NPHP3: variants seen among roughly 807,000 people sequenced by gnomAD.
NPHP3 encodes the protein nephrocystin 3.
A neutral mutation model predicts 171.9 loss-of-function variants in NPHP3; 123 were observed. The ratio of observed to expected loss-of-function variants is 0.72; its 90% CI spans 0.62 to 0.83. The LOEUF (loss-of-function observed/expected upper bound fraction) is 0.83, where lower values mean the gene tolerates loss of function less well. Ranked by LOEUF, NPHP3 falls within the 40% of genes least tolerant of loss-of-function variation. The pLI, the probability that NPHP3 is intolerant of heterozygous loss-of-function variation, is 0.00. For synonymous variants in NPHP3, 558 were observed against 579.2 expected, an observed-to-expected ratio of 0.96 and a Z score of 0.52; for missense variants, 1,506 against 1,591.9, an observed-to-expected ratio of 0.95 and a Z score of 0.92.
At chr3:132,721,474 G>T (rs560793264) in intron 1 of NPHP3, 303 of 201,600 alleles carry the variant, frequency 1.5e-3, no homozygotes, top group Non-Finnish European at 2.0e-3. Context: ...TTATGGTGGG[G>T]AGGGGGGTGA....
In NPHP3 at chr3:132,716,880, C is replaced by A. The variant is rs1435427786; in HGVS notation, c.700G>T (p.Gly234Cys). The change falls in exon 4 of 27, where the codon GGC becomes TGC. Residue 234 changes from glycine (G) to cysteine (C), a missense_variant. Physicochemically the swap from Gly to Cys is radical, Grantham distance 159. Coordinates refer to ENST00000337331, the MANE Select transcript of NPHP3 (RefSeq NM_153240.5). ...GAAGGTTCACTTCCCAAGGCTCCGC[C>A]AGTCCAATATTCACATTGGGTTCCA... ...AAGTQCEYWT[G>C]GALGSEPSIG... 3 of 1,614,156 alleles carry A rather than the reference C, an allele frequency of 1.9e-6. No individual in the cohort carries two copies. The South Asian group carries it at 3.3e-5, about 18-fold the overall frequency.
chr3:132,719,187 C>A, intron 2 of NPHP3, 43 bp from the exon 3 acceptor site: 1 of 1,486,646 alleles, frequency 6.7e-7, no homozygotes, highest in Non-Finnish European at 9.2e-7. Context: ...TTTTCATAAT[C>A]AAAAAGTTGT....
rs1038735455 is a variant in NPHP3 at position 132,717,945 on chromosome 3, G to A, written c.671-1036C>T. ...GCTAATTTTTGTATTTAGTAGAGAC[G>A]GGGTTTCACCATGTTGGCCAGGATG... On this transcript the variant is annotated intron_variant, in intron 3 of 26. Transcript: ENST00000337331. 5 of 335,430 alleles carry A rather than the reference G, an allele frequency of 1.5e-5. No individual in the cohort carries two copies. In the East Asian group the frequency reaches 4.4e-4, roughly 29 times the overall value. The allele number at this position is 335,430 out of a possible 1,614,324, so 20.8% of individuals were successfully genotyped here. A position where few individuals can be genotyped will look rare whatever the true frequency, so the allele number is the denominator to read the frequency against.
chr3:132,692,483 A>G (rs1373653384), intron 17 of NPHP3, among the ~76,000 whole-genome samples, 171 bp downstream of exon 17: 1 of 152,194 alleles, frequency 6.6e-6, no homozygotes, highest in African/African-American at 2.4e-5. Flanking sequence ...CCTCTTAATA[A>G]ATTTTTAAGT....
chr3:132,701,599 T>TG (rs1201721097), intron 9 of NPHP3, 66 bp from the exon 10 acceptor site: 27 of 980,016 alleles, frequency 2.8e-5, no homozygotes, highest in Non-Finnish European at 4.4e-5. Flanking sequence ...AAGAGTCAAC[T>TG]TCTGATTATT....
At chr3:132,684,823 A>T (rs1560000222) in intron 23 of NPHP3, 29 bp from the exon 24 acceptor site, 1 of 1,609,340 alleles carries the variant, frequency 6.2e-7, no homozygotes, top group Non-Finnish European at 8.5e-7. Flanking sequence ...AATGGCTTAA[A>T]CTATCTATTT....
chr3:132,703,911 G>A (rs1253367586), intron 9 of NPHP3, among the ~76,000 whole-genome samples: 4 of 152,090 alleles, frequency 2.6e-5, no homozygotes, highest in Non-Finnish European at 5.9e-5. Flanking sequence ...AAGTTTCCTA[G>A]CTATCCTAAT....
At position 132,700,328 on chromosome 3, in the gene NPHP3, C is replaced by T. The variant is rs761386522; in HGVS notation, c.1743+6G>A. ...TTCTGTAATTCCAAAAGATGGGATA[C>T]TATACCTTTAGAGTTAGTCGTTTAA... On this transcript the variant is annotated splice_donor_region_variant and intron_variant, in intron 11 of 26. Coordinates refer to ENST00000337331, the MANE Select transcript of NPHP3 (RefSeq NM_153240.5). The T allele has an allele frequency of 3.8e-6, 6 of 1,566,050 alleles. No individual in the cohort carries two copies. Among genetic ancestry groups the T allele is most frequent in the Admixed American group, 1.7e-5 (1 of 59,966 alleles).
chr3:132,687,245 T>A lies in NPHP3; in HGVS notation c.3126-19A>T. The A allele has an allele frequency of 9.5e-7, 1 of 1,056,654 alleles. No homozygotes were observed. Among genetic ancestry groups the A allele is most frequent in the Non-Finnish European group, 1.5e-6 (1 of 681,764 alleles). 65.5% of individuals were successfully genotyped at this position (1,056,654 alleles called of 1,614,324 possible). ...TTCATATCTTAAAAAAAAATTACAGTAAGTCAAACAAAAGAAACATATTCA... is the reference window on the plus strand; with the variant it reads ...TTCATATCTTAAAAAAAAATTACAGAAAGTCAAACAAAAGAAACATATTCA... On this transcript the variant is annotated intron_variant, in intron 21 of 26. Coordinates refer to ENST00000337331, the MANE Select transcript of NPHP3 (RefSeq NM_153240.5).
intron 3 of NPHP3, chr3:132,717,493 A>T (rs1940085682): frequency 6.5e-6 from 1 of 153,270 alleles, no homozygotes. Flanking sequence ...TATTTGAGCT[A>T]AATCTCTGGC....
At chr3:132,713,016 A>G (rs1466052094) in intron 6 of NPHP3, 110 bp downstream of exon 6, 2 of 558,320 alleles carry the variant, frequency 3.6e-6, no homozygotes, top group African/African-American at 1.9e-5. Flanking sequence ...AATTTCATGG[A>G]TTTTTTTATT....
At chr3:132,713,629 A>G (rs1004018355) in intron 5 of NPHP3, among the ~76,000 whole-genome samples, 3 of 152,082 alleles carry the variant, frequency 2.0e-5, no homozygotes, top group African/African-American at 7.2e-5. Context: ...TGTCATAAAG[A>G]GTGCAAAATA....
chr3:132,709,385 C>T (rs1030173471), intron 6 of NPHP3, among the ~76,000 whole-genome samples: 11 of 148,096 alleles, frequency 7.4e-5, no homozygotes, highest in Admixed American at 1.4e-4. Flanking sequence ...TGGGCTCAAG[C>T]GATCCTCCCA....
intron 9 of NPHP3, among the ~76,000 whole-genome samples, chr3:132,703,456 A>T (rs1157263391): frequency 6.6e-6 from 1 of 152,156 alleles, no homozygotes; most frequent in Non-Finnish European, 1.5e-5. Context: ...AGACTGATAA[A>T]GAAGGACTTA....
chr3:132,701,957 T>C (rs897302571), intron 9 of NPHP3, among the ~76,000 whole-genome samples: 4 of 151,508 alleles, frequency 2.6e-5, no homozygotes, highest in African/African-American at 7.3e-5. Flanking sequence ...ACCCGGGAGG[T>C]GGAGCTTGCA....
intron 19 of NPHP3, 53 bp downstream of exon 19, chr3:132,690,475 G>T: frequency 1.3e-6 from 2 of 1,559,226 alleles, no homozygotes; most frequent in Non-Finnish European, 1.8e-6. Context: ...TTGTTAAACT[G>T]AACAACTTTA....
intron 6 of NPHP3, among the ~76,000 whole-genome samples, chr3:132,710,479 T>A (rs1429120701): frequency 1.3e-5 from 2 of 152,000 alleles, no homozygotes; most frequent in Admixed American, 1.3e-4. Flanking sequence ...GGAAAACCAG[T>A]CACAGTCGCC....
At chr3:132,688,945 C>G (rs1939230876) in intron 20 of NPHP3, 54 bp from the exon 21 acceptor site, 1 of 1,613,336 alleles carries the variant, frequency 6.2e-7, no homozygotes, top group Non-Finnish European at 8.5e-7. Flanking sequence ...GCTGCAAGAT[C>G]TGTCATCTGA....
chr3:132,709,962 C>A (rs767352086), intron 6 of NPHP3, among the ~76,000 whole-genome samples: 3 of 152,120 alleles, frequency 2.0e-5, no homozygotes, highest in Non-Finnish European at 4.4e-5. Flanking sequence ...TTCAGGCACA[C>A]GTCCATATTT....
Sources: allele counts gnomAD v4.1 joint callset (sites outside exome capture counted in the v4.1 genomes callset), GRCh38; gene constraint gnomAD v4.1.1; transcripts MANE v1.5; gene names NCBI Gene and HGNC (gene_info 2026-07-23, HGNC 2026-07-21).